The following PPM1H variants were observed in gnomAD, a reference collection of about 807,000 sequenced individuals.
The protein encoded by PPM1H is protein phosphatase 1H.
In PPM1H, 27 loss-of-function variants were observed where a neutral mutation model predicts 54.9. The ratio of observed to expected loss-of-function variants is 0.49; its 90% confidence interval spans 0.36 to 0.68. The LOEUF (loss-of-function observed/expected upper bound fraction) is 0.68. PPM1H is among the 30% of genes least tolerant of loss of function. The pLI is 0.00. For missense variants in PPM1H, 596 were observed against 667.8 expected (o/e 0.89, Z 1.19); for synonymous variants, 305 against 270.8 (o/e 1.13, Z -1.24).
At chr12:62,725,180 G>T (rs1245818478) in intron 5 of PPM1H, among the ~76,000 whole-genome samples, 1 of 152,216 alleles carries the variant, frequency 6.6e-6, no homozygotes, top group East Asian at 1.9e-4. Flanking sequence ...GTTGGATCCA[G>T]TGATGCTTAA....
intron 8 of PPM1H, among the ~76,000 whole-genome samples, chr12:62,673,108 G>A (rs999871817): frequency 6.6e-6 from 1 of 152,166 alleles, no homozygotes; most frequent in South Asian, 2.1e-4. Context: ...TGTTTTCAGT[G>A]GAGCTGCCAA....
intron 3 of PPM1H, among the ~76,000 whole-genome samples, chr12:62,800,574 C>A (rs909123834): frequency 7.2e-5 from 11 of 152,058 alleles, no homozygotes; most frequent in African/African-American, 2.4e-4. Flanking sequence ...CCTGACCTTG[C>A]GATCCACCCA....
At chr12:62,837,114 T>C (rs1419498891) in intron 1 of PPM1H, among the ~76,000 whole-genome samples, 1 of 152,234 alleles carries the variant, frequency 6.6e-6, no homozygotes, top group South Asian at 2.1e-4. Context: ...TCATTTTTCT[T>C]CTATTTGTGA....
At chr12:62,680,904 A>T (rs991169610) in intron 8 of PPM1H, among the ~76,000 whole-genome samples, 5 of 152,118 alleles carry the variant, frequency 3.3e-5, no homozygotes, top group Admixed American at 2.6e-4. Flanking sequence ...TGGGACACTG[A>T]ACTCCCTGGA....
At chr12:62,816,595 T>G (rs2076868026) in intron 2 of PPM1H, among the ~76,000 whole-genome samples, 1 of 152,216 alleles carries the variant, frequency 6.6e-6, no homozygotes, top group Non-Finnish European at 1.5e-5. Flanking sequence ...TGAAAAAATC[T>G]GAAATCCAAA....
chr12:62,766,551 A>G (rs2076544806), intron 4 of PPM1H, among the ~76,000 whole-genome samples: 3 of 149,612 alleles, frequency 2.0e-5, no homozygotes, highest in Admixed American at 6.6e-5. Flanking sequence ...AATGAATTAA[A>G]AAAAGCCACA....
At chr12:62,648,763 GA>G in intron 9 of PPM1H, 127 bp from the exon 10 acceptor site, 1 of 1,057,884 alleles carries the variant, frequency 9.5e-7, no homozygotes. Context: ...CTTACAATAC[GA>G]AAAAGACAAG....
chr12:62,901,843 G>C (rs1871170028), intron 1 of PPM1H, among the ~76,000 whole-genome samples: 2 of 152,122 alleles, frequency 1.3e-5, no homozygotes, highest in African/African-American at 4.8e-5. Context: ...ACCTGCAGGA[G>C]GGAAGTGCAA....
chr12:62,870,800 G>A (rs978590965), intron 1 of PPM1H, among the ~76,000 whole-genome samples: 1 of 152,120 alleles, frequency 6.6e-6, no homozygotes, highest in Admixed American at 6.5e-5. Context: ...TGGCCAATAA[G>A]CACAGGGAAA....
At chr12:62,871,342 C>T (rs1869970689) in intron 1 of PPM1H, among the ~76,000 whole-genome samples, 1 of 151,948 alleles carries the variant, frequency 6.6e-6, no homozygotes, top group Admixed American at 6.6e-5. Flanking sequence ...TAGGCAAATC[C>T]ATAGAGACAG....
rs143070150 is a variant in PPM1H at position 62,783,171 on chromosome 12, G to C, written c.869+5055C>G. On this transcript the variant is annotated intron_variant, in intron 4 of 9. Transcript: ENST00000228705. ...TAAAATAGTCTTAGAACTTTGGGAC[G>C]CTTGGAAGGAGATGGGAGCTCTCAT... is the stretch of plus-strand genomic sequence containing the variant. Among the ~76,000 whole-genome samples the C allele has an allele frequency of 2.0e-5, 3 of 152,234 alleles. No homozygotes were observed. In the South Asian group the frequency reaches 6.2e-4, roughly 32 times the overall value.
intron 4 of PPM1H, chr12:62,756,267 A>C (rs1185081829): frequency 3.0e-6 from 2 of 665,148 alleles, no homozygotes; most frequent in African/African-American, 1.8e-5. Context: ...CGAGAGCGAG[A>C]GAGGAAGAGA....
In PPM1H at chr12:62,694,007, G is replaced by C; in HGVS notation, c.1074-8C>G. The C allele has an allele frequency of 6.2e-7, 1 of 1,610,060 alleles. No individual in the cohort carries two copies. The highest frequency in any genetic ancestry group is 8.5e-7 in the Non-Finnish European group (1 of 1,178,058). The stretch of plus-strand genomic sequence containing the variant: ...TCAATGGTTTTGTATGCCCTGTAGG[G>C]GATAAACAACATTTTAAAAAAGGTT... On this transcript the variant is annotated splice_region_variant and splice_polypyrimidine_tract_variant and intron_variant, in intron 6 of 9. Coordinates refer to ENST00000228705, the MANE Select transcript of PPM1H (RefSeq NM_020700.2).
chr12:62,900,542 A>G (rs1871137606), intron 1 of PPM1H, among the ~76,000 whole-genome samples: 1 of 148,296 alleles, frequency 6.7e-6, no homozygotes, highest in East Asian at 2.0e-4. Flanking sequence ...TAATAATAAT[A>G]ATAATAATAA....
chr12:62,726,339 CAT>C (rs1245123003), intron 5 of PPM1H, among the ~76,000 whole-genome samples: 15 of 152,178 alleles, frequency 9.9e-5, no homozygotes, highest in African/African-American at 3.6e-4. Context: ...TATATGCACA[CAT>C]GTTTACACAT....
intron 5 of PPM1H, among the ~76,000 whole-genome samples, chr12:62,726,955 C>G (rs765880148): frequency 6.6e-6 from 1 of 152,062 alleles, no homozygotes; most frequent in African/African-American, 2.4e-5. Flanking sequence ...ACTCTTGTCA[C>G]CCAGGCTGTA....
At chr12:62,681,926 T>C (rs910811246) in intron 8 of PPM1H, among the ~76,000 whole-genome samples, 1 of 152,240 alleles carries the variant, frequency 6.6e-6, no homozygotes, top group Non-Finnish European at 1.5e-5. Context: ...GTACTTCATA[T>C]GTCATTCAGT....
chr12:62,915,315 T>A (rs2121150446), intron 1 of PPM1H, among the ~76,000 whole-genome samples: 1 of 152,354 alleles, frequency 6.6e-6, no homozygotes, highest in South Asian at 2.1e-4. Context: ...CTGCAGCGCC[T>A]GCAGCCCTCT....
At chr12:62,908,069 T>C (rs1175165677) in intron 1 of PPM1H, among the ~76,000 whole-genome samples, 1 of 152,200 alleles carries the variant, frequency 6.6e-6, no homozygotes, top group African/African-American at 2.4e-5. Context: ...GACAATCTCC[T>C]TATTGACTTG....
Sources: gnomAD v4.1 joint callset for allele counts (sites outside exome capture counted in the v4.1 genomes callset) on GRCh38, gnomAD v4.1.1 for gene constraint, MANE v1.5 for transcripts, NCBI Gene and HGNC (gene_info 2026-07-23, HGNC 2026-07-21) for gene names.